The following CSMD1 variants were observed in gnomAD, a reference collection of about 807,000 sequenced individuals.
CSMD1 encodes the protein CUB and Sushi multiple domains 1, also known as CUB and sushi domain-containing protein 1.
A neutral mutation model predicts 417.5 loss-of-function variants in CSMD1; 213 were observed. The ratio of observed to expected loss-of-function variants is 0.51; its 90% confidence interval spans 0.46 to 0.57. The LOEUF (loss-of-function observed/expected upper bound fraction) is 0.57. Among genes scored for constraint, CSMD1 ranks in the 20% least tolerant of loss-of-function variants. CSMD1 has a pLI of 0.00. For missense variants in CSMD1, 6,923 were observed against 4,529.7 expected (o/e 1.53, Z -15.17); for synonymous variants, 2,862 against 1,736.8 (o/e 1.65, Z -16.11).
intron 3 of CSMD1, among the ~76,000 whole-genome samples, chr8:4,367,484 G>A (rs62479508): frequency 0.18 from 27,694 of 152,034 alleles, 2,921 homozygotes; most frequent in Admixed American, 0.26. Flanking sequence ...GTTTGAAATC[G>A]GGTAGTGTGA....
chr8:3,897,387 C>T (rs775636654), intron 5 of CSMD1, among the ~76,000 whole-genome samples: 11 of 152,046 alleles, frequency 7.2e-5, no homozygotes, highest in Admixed American at 7.2e-4. Context: ...TACGTGTGGG[C>T]CAATTATAAA....
At chr8:4,710,541 G>A (rs1244033676) in intron 1 of CSMD1, among the ~76,000 whole-genome samples, 1 of 150,018 alleles carries the variant, frequency 6.7e-6, no homozygotes, top group Non-Finnish European at 1.5e-5. Context: ...TGGTGGGGGT[G>A]GTTATTTAAA....
chr8:3,931,470 G>C (rs977557932), intron 5 of CSMD1, among the ~76,000 whole-genome samples: 5 of 150,090 alleles, frequency 3.3e-5, no homozygotes, highest in South Asian at 4.3e-4. Flanking sequence ...CAATTCATCA[G>C]ATTGGAGCAT....
At chr8:3,442,549 G>A (rs1815052794) in intron 12 of CSMD1, among the ~76,000 whole-genome samples, 1 of 152,162 alleles carries the variant, frequency 6.6e-6, no homozygotes, top group Non-Finnish European at 1.5e-5. Flanking sequence ...GTCACATGCT[G>A]TACAGGTTTG....
intron 2 of CSMD1, among the ~76,000 whole-genome samples, chr8:4,534,050 G>A (rs1290005689): frequency 2.0e-5 from 3 of 151,828 alleles, no homozygotes; most frequent in African/African-American, 7.2e-5. Flanking sequence ...TATAGATATT[G>A]TAATTCAGGC....
At chr8:4,138,806 G>C (rs1647358) in intron 3 of CSMD1, among the ~76,000 whole-genome samples, 2 of 151,904 alleles carry the variant, frequency 1.3e-5, no homozygotes, top group East Asian at 3.9e-4. Context: ...TCATTTAATG[G>C]TATTTTTTTG....
At chr8:4,230,427 T>C (rs576875288) in intron 3 of CSMD1, among the ~76,000 whole-genome samples, 2 of 152,310 alleles carry the variant, frequency 1.3e-5, no homozygotes, top group African/African-American at 4.8e-5. Flanking sequence ...AGGTCTAACC[T>C]GTGACTTAAC....
At position 4,855,240 on chromosome 8, in the gene CSMD1, T is replaced by C. The variant is rs10481360; in HGVS notation, c.85+139092A>G. Among the ~76,000 whole-genome samples, 305 of 140,760 alleles carry C rather than the reference T, an allele frequency of 2.2e-3. 3 individuals carry two copies. The highest frequency in any genetic ancestry group is 0.015 in the East Asian group (42 of 2,742). 92.3% of individuals were successfully genotyped at this position (140,760 alleles called of 152,430 possible). A position where few individuals can be genotyped will look rare whatever the true frequency, so the allele number is the denominator to read the frequency against. ...AAGAAAAACTAACAAACAGAAAGGA[T>C]ATCCACATCAAAAACCCATCTGTAC... On this transcript the variant is annotated intron_variant, in intron 1 of 69. Transcript: ENST00000635120.
At chr8:4,670,969 C>A (rs561147615) in intron 1 of CSMD1, among the ~76,000 whole-genome samples, 3 of 152,328 alleles carry the variant, frequency 2.0e-5, no homozygotes, top group African/African-American at 7.2e-5. Context: ...TCCATGCTAT[C>A]TCCTGACTAC....
At chr8:4,373,124 A>G (rs969452364) in intron 3 of CSMD1, among the ~76,000 whole-genome samples, 2 of 152,188 alleles carry the variant, frequency 1.3e-5, no homozygotes, top group Non-Finnish European at 2.9e-5. Flanking sequence ...TCATCATGAG[A>G]AAAACATCAG....
intron 1 of CSMD1, among the ~76,000 whole-genome samples, chr8:4,839,726 C>T (rs1399373812): frequency 6.6e-6 from 1 of 152,144 alleles, no homozygotes; most frequent in Non-Finnish European, 1.5e-5. Context: ...TTGGTAATAA[C>T]TATACAAAGT....
intron 5 of CSMD1, among the ~76,000 whole-genome samples, chr8:3,897,152 G>A (rs1807425065): frequency 6.6e-6 from 1 of 152,144 alleles, no homozygotes. Flanking sequence ...TAAAACAGGA[G>A]TCTGAATTTC....
chr8:4,265,059 C>G (rs1216574548), intron 3 of CSMD1, among the ~76,000 whole-genome samples: 1 of 152,098 alleles, frequency 6.6e-6, no homozygotes, highest in Non-Finnish European at 1.5e-5. Context: ...TGCCTTGATA[C>G]AAAGGCTGCT....
chr8:3,953,793 T>C (rs1375043566), intron 5 of CSMD1, among the ~76,000 whole-genome samples: 1 of 151,860 alleles, frequency 6.6e-6, no homozygotes, highest in Non-Finnish European at 1.5e-5. Context: ...CCGCAACACC[T>C]CAGAGCTATA....
intron 37 of CSMD1, among the ~76,000 whole-genome samples, chr8:3,176,327 T>C (rs1293502850): frequency 6.6e-6 from 1 of 151,768 alleles, no homozygotes; most frequent in East Asian, 1.9e-4. Context: ...CTGTAATTTA[T>C]CTGTGAACAT....
At chr8:4,695,902 A>G (rs954266633) in intron 1 of CSMD1, among the ~76,000 whole-genome samples, 1 of 152,232 alleles carries the variant, frequency 6.6e-6, no homozygotes, top group Non-Finnish European at 1.5e-5. Flanking sequence ...TGTATTTGCC[A>G]AATTTAATAA....
intron 3 of CSMD1, among the ~76,000 whole-genome samples, chr8:4,131,282 G>A (rs1346390639): frequency 2.0e-5 from 3 of 151,140 alleles, no homozygotes; most frequent in Non-Finnish European, 4.4e-5. Flanking sequence ...GAACTGAAGA[G>A]GCTGAATCTA....
rs184757048 is a variant in CSMD1, at chr8:3,522,642, T to C, written c.1345-28916A>G. ...GGTAGATGATCACATGGCAGTACTT[T>C]ATTGCAGACTTTGTGACATGTGAGT... On this transcript the variant is annotated intron_variant, in intron 10 of 69. Coordinates refer to ENST00000635120, the MANE Select transcript of CSMD1 (RefSeq NM_033225.6). 3.2e-4 allele frequency among the ~76,000 whole-genome samples: 48 copies of C among 152,074 alleles called. No individual in the cohort carries two copies. In the East Asian group the frequency reaches 9.1e-3, roughly 29 times the overall value.
chr8:3,947,928 G>A (rs528606840), intron 5 of CSMD1, among the ~76,000 whole-genome samples: 3 of 152,272 alleles, frequency 2.0e-5, no homozygotes, highest in South Asian at 4.2e-4. Flanking sequence ...ATGGTAGGCT[G>A]GGGGTGGCGT....
Sources: allele counts gnomAD v4.1 joint callset (sites outside exome capture counted in the v4.1 genomes callset), GRCh38; gene constraint gnomAD v4.1.1; transcripts MANE v1.5; gene names NCBI Gene and HGNC (gene_info 2026-07-23, HGNC 2026-07-21).